SLC4A5: variants seen among roughly 807,000 people sequenced by gnomAD.
SLC4A5 encodes solute carrier family 4 member 5.
Under a neutral mutation model 120.4 loss-of-function variants are expected in SLC4A5, and 96 were observed. The observed-to-expected ratio is 0.80, with a 90% confidence interval of 0.68 to 0.94. The LOEUF (loss-of-function observed/expected upper bound fraction) is 0.94. SLC4A5 is among the 40% of genes least tolerant of loss of function. The pLI is 0.00. For synonymous variants in SLC4A5, 550 were observed against 571.1 expected (o/e 0.96, Z 0.53); for missense variants, 1,259 against 1,459.5 (o/e 0.86, Z 2.24).
rs140962563 is a variant in SLC4A5, at chr2:74,321,860, A to G, written c.-3+6260T>C. On this transcript the variant is annotated intron_variant, in intron 5 of 30. Transcript: ENST00000394019. ...CATTCACGGTATTCTGGTTGCCCTT[A>G]GCCAGTCACTGAGTTTAGGAATAGT... 3.7e-3 allele frequency among the ~76,000 whole-genome samples: 559 copies of G among 152,016 alleles called. 4 individuals carry two copies. Among genetic ancestry groups the G allele is most frequent in the African/African-American group, 0.013 (531 of 41,476 alleles).
intron 8 of SLC4A5, among the ~76,000 whole-genome samples, chr2:74,277,682 G>A (rs1471791441): frequency 2.0e-5 from 3 of 152,156 alleles, no homozygotes; most frequent in African/African-American, 4.8e-5. Context: ...CAAAATCAAT[G>A]TGTAGATCTT....
intron 5 of SLC4A5, among the ~76,000 whole-genome samples, chr2:74,327,048 C>G (rs1460651293): frequency 6.6e-6 from 1 of 152,188 alleles, no homozygotes; most frequent in Non-Finnish European, 1.5e-5. Flanking sequence ...CCAACAAATC[C>G]TTATTGAGTA....
At chr2:74,233,093 A>G (rs924069931) in intron 23 of SLC4A5, among the ~76,000 whole-genome samples, 1 of 152,174 alleles carries the variant, frequency 6.6e-6, no homozygotes, top group African/African-American at 2.4e-5. Context: ...TCAGTGTTCT[A>G]GGCTGAGCCC....
At chr2:74,230,273 T>A (rs140946976) in intron 25 of SLC4A5, among the ~76,000 whole-genome samples, 1 of 152,094 alleles carries the variant, frequency 6.6e-6, no homozygotes, top group African/African-American at 2.4e-5. Context: ...TGATGGGCGA[T>A]TGGCTGGAGT....
intron 7 of SLC4A5, among the ~76,000 whole-genome samples, chr2:74,286,764 T>C (rs1671997484): frequency 6.6e-6 from 1 of 152,128 alleles, no homozygotes; most frequent in Admixed American, 6.5e-5. Flanking sequence ...AAAAGGACTC[T>C]CTGAGGAGGG....
intron 7 of SLC4A5, among the ~76,000 whole-genome samples, chr2:74,299,852 C>T (rs1372875741): frequency 6.6e-6 from 1 of 152,186 alleles, no homozygotes; most frequent in African/African-American, 2.4e-5. Context: ...TATGATCCAA[C>T]AACCCCATCT....
intron 7 of SLC4A5, among the ~76,000 whole-genome samples, chr2:74,303,045 T>TGTGTGC (rs1491338447): frequency 2.7e-5 from 4 of 147,130 alleles, no homozygotes; most frequent in Non-Finnish European, 1.5e-5. Flanking sequence ...TGTGTGTGTG[T>TGTGTGC]GCATGTGGAA....
chr2:74,220,583 C>A (rs190361370), intron 30 of SLC4A5, among the ~76,000 whole-genome samples: 1 of 151,652 alleles, frequency 6.6e-6, no homozygotes, highest in African/African-American at 2.4e-5. Context: ...GTGGCGTGAT[C>A]TCGGCTCACT....
intron 8 of SLC4A5, among the ~76,000 whole-genome samples, chr2:74,268,408 T>C (rs141075816): frequency 1.9e-3 from 295 of 152,356 alleles, no homozygotes; most frequent in Non-Finnish European, 3.4e-3. Flanking sequence ...CTTAAGGGTA[T>C]AGTATCTAAT....
At chr2:74,246,992 T>C (rs780165534) in intron 19 of SLC4A5, 44 bp downstream of exon 19, 3 of 1,599,638 alleles carry the variant, frequency 1.9e-6, no homozygotes, top group Non-Finnish European at 1.7e-6. Context: ...AGGGGGCCGG[T>C]GGGGTAGGTG....
intron 7 of SLC4A5, among the ~76,000 whole-genome samples, chr2:74,302,041 C>A (rs1672487611): frequency 6.6e-6 from 1 of 151,848 alleles, no homozygotes; most frequent in South Asian, 2.1e-4. Context: ...GGAATAAAAC[C>A]CTAATTAGTT....
At chr2:74,236,130 C>G (rs1261710637) in intron 21 of SLC4A5, among the ~76,000 whole-genome samples, 1 of 152,154 alleles carries the variant, frequency 6.6e-6, no homozygotes, top group Non-Finnish European at 1.5e-5. Flanking sequence ...CAATCCAGCC[C>G]CGCCTTCCAG....
chr2:74,336,885 T>C lies in SLC4A5; in HGVS notation c.-221+1970A>G, dbSNP rs1378714160. ...TGCCTCAAATAGCCAGGCCATTCTATGCTCATTGCTGCAGGGAAGGTGTGT... is the reference window on the plus strand; with the variant it reads ...TGCCTCAAATAGCCAGGCCATTCTACGCTCATTGCTGCAGGGAAGGTGTGT... On this transcript the variant is annotated intron_variant, in intron 3 of 30. Coordinates refer to ENST00000394019, the Ensembl canonical transcript of SLC4A5. 3.9e-5 allele frequency among the ~76,000 whole-genome samples: 6 copies of C among 152,312 alleles called. No homozygotes were observed. In the East Asian group the frequency reaches 1.2e-3, roughly 29 times the overall value.
chr2:74,312,245 G>A (rs1050161808), intron 6 of SLC4A5, among the ~76,000 whole-genome samples: 3 of 136,892 alleles, frequency 2.2e-5, no homozygotes, highest in South Asian at 2.2e-4. Context: ...GTGTGTATAT[G>A]TGTGTGTGTG....
At chr2:74,249,609 G>A (rs368393701) in intron 17 of SLC4A5, among the ~76,000 whole-genome samples, 10 of 152,276 alleles carry the variant, frequency 6.6e-5, no homozygotes, top group South Asian at 2.1e-4. Context: ...CTTAGTTTCC[G>A]GTGTAGACAG....
chr2:74,250,215 A>C (rs757899774), intron 17 of SLC4A5, 128 bp downstream of exon 17: 11 of 826,434 alleles, frequency 1.3e-5, no homozygotes, highest in Non-Finnish European at 1.9e-5. Context: ...AAAGGATTAC[A>C]AATAGTGATG....
chr2:74,263,539 T>C (rs1414717897), intron 10 of SLC4A5, among the ~76,000 whole-genome samples: 1 of 152,192 alleles, frequency 6.6e-6, no homozygotes, highest in Non-Finnish European at 1.5e-5. Context: ...TGTTGGAGAT[T>C]TGAGATGTGT....
chr2:74,314,903 G>A, intron 6 of SLC4A5, 42 bp downstream of exon 6: 5 of 1,550,434 alleles, frequency 3.2e-6, no homozygotes, highest in Non-Finnish European at 4.5e-6. Flanking sequence ...AGAATTCTCA[G>A]TGCCTCCTGA....
Position 74,314,936 on chromosome 2 carries a change from T to C in SLC4A5, c.79+9A>G. On this transcript the variant is annotated intron_variant, in intron 6 of 30. Transcript: ENST00000394019. Reference sequence around the variant, plus strand: ...TGAGATTTGCATCAAGTCCTCAAAGTGACCTCACCTTTCTGATCCGGAAAT... The same window carrying C: ...TGAGATTTGCATCAAGTCCTCAAAGCGACCTCACCTTTCTGATCCGGAAAT... 6.2e-7 allele frequency: 1 copy of C among 1,613,204 alleles called. No individual in the cohort carries two copies. The highest frequency in any genetic ancestry group is 8.5e-7 in the Non-Finnish European group (1 of 1,179,184).
Sources: gnomAD v4.1 joint callset for allele counts (sites outside exome capture counted in the v4.1 genomes callset) on GRCh38, gnomAD v4.1.1 for gene constraint, MANE v1.5 for transcripts, NCBI Gene and HGNC (gene_info 2026-07-23, HGNC 2026-07-21) for gene names.